Variants in RAB3B observed in about 807,000 individuals in gnomAD.
The protein encoded by RAB3B is ras-related protein Rab-3B.
Under a neutral mutation model 20.5 loss-of-function variants are expected in RAB3B, and 11 were observed. The observed-to-expected ratio is 0.54, with a 90% CI of 0.34 to 0.89. The LOEUF is 0.89. Ranked by LOEUF, RAB3B falls within the 40% of genes least tolerant of loss-of-function variation. RAB3B has a pLI of 0.02. For missense variants in RAB3B, 225 were observed against 280.9 expected, an observed-to-expected ratio of 0.80 and a Z score of 1.42; for synonymous variants, 99 against 106.3, an observed-to-expected ratio of 0.93 and a Z score of 0.42.
At position 51,917,079 on chromosome 1, in the gene RAB3B, T is replaced by A. The variant is rs1027727938; in HGVS notation, c.*2848A>T. On this transcript the variant is annotated 3_prime_UTR_variant, in exon 5 of 5. Coordinates refer to ENST00000371655, the MANE Select transcript of RAB3B (RefSeq NM_002867.4). ...CTCTACCACTTACTTATTATGTGAC[T>A]TTAGAGGTCCAGCTAGAACCTCTTT... 1.3e-5 allele frequency: 2 copies of A among 152,222 alleles called. No individual in the cohort carries two copies. Among genetic ancestry groups the A allele is most frequent in the Non-Finnish European group, 2.9e-5 (2 of 68,036 alleles). 9.4% of individuals were successfully genotyped at this position (152,222 alleles called of 1,614,324 possible). A position where few individuals can be genotyped will look rare whatever the true frequency, so the allele number is the denominator to read the frequency against.
intron 1 of RAB3B, among the ~76,000 whole-genome samples, chr1:51,986,007 T>C (rs1685146131): frequency 6.6e-6 from 1 of 151,884 alleles, no homozygotes; most frequent in South Asian, 2.1e-4. Context: ...AATTTTAGGG[T>C]GAATAAAGAA....
chr1:51,962,388 G>C (rs1684795867), intron 2 of RAB3B, among the ~76,000 whole-genome samples: 1 of 152,174 alleles, frequency 6.6e-6, no homozygotes, highest in Non-Finnish European at 1.5e-5. Flanking sequence ...AAGTCAAGAG[G>C]GATGCCAGGC....
At chr1:51,949,112 C>A (rs1684601162) in intron 2 of RAB3B, among the ~76,000 whole-genome samples, 1 of 152,200 alleles carries the variant, frequency 6.6e-6, no homozygotes, top group African/African-American at 2.4e-5. Flanking sequence ...CTCAGGCTTC[C>A]CTGCTAGTTC....
intron 2 of RAB3B, among the ~76,000 whole-genome samples, chr1:51,960,020 G>A (rs1343199461): frequency 6.6e-6 from 1 of 152,148 alleles, no homozygotes; most frequent in Non-Finnish European, 1.5e-5. Context: ...ATGTGTTGAG[G>A]GGGATGCAGG....
At chr1:51,949,259 T>C (rs760983270) in intron 2 of RAB3B, among the ~76,000 whole-genome samples, 1 of 152,250 alleles carries the variant, frequency 6.6e-6, no homozygotes, top group South Asian at 2.1e-4. Context: ...CCTTGCGTTC[T>C]ATAATTCACA....
At chr1:51,951,101 A>G (rs1684634746) in intron 2 of RAB3B, among the ~76,000 whole-genome samples, 1 of 151,478 alleles carries the variant, frequency 6.6e-6, no homozygotes, top group African/African-American at 2.4e-5. Context: ...ATCATCTTAC[A>G]GGAGCCTGAC....
At chr1:51,963,674 T>G (rs960181967) in intron 2 of RAB3B, among the ~76,000 whole-genome samples, 1 of 152,166 alleles carries the variant, frequency 6.6e-6, no homozygotes, top group Admixed American at 6.5e-5. Flanking sequence ...CTCCCTCATC[T>G]TCACTCTCCA....
At position 51,987,612 on chromosome 1, in the gene RAB3B, C is replaced by A. The variant is rs561669396; in HGVS notation, c.-1+2940G>T. 5.7e-4 allele frequency among the ~76,000 whole-genome samples: 87 copies of A among 152,234 alleles called. 4 individuals are homozygous for A. In the South Asian group the frequency reaches 0.017, roughly 30 times the overall value. On this transcript the variant is annotated intron_variant, in intron 1 of 4. Coordinates refer to ENST00000371655, the MANE Select transcript of RAB3B (RefSeq NM_002867.4). ...GGTCTATCATTTATTACCTATGAGA[C>A]CTTGGCAAGAAATGTTACATGATTA...
chr1:51,938,799 C>T (rs1684449645), intron 2 of RAB3B, among the ~76,000 whole-genome samples: 1 of 151,738 alleles, frequency 6.6e-6, no homozygotes, highest in African/African-American at 2.4e-5. Context: ...CCTCAGCCTC[C>T]TGAGTAGCAC....
At chr1:51,944,333 G>C (rs889119390) in intron 2 of RAB3B, among the ~76,000 whole-genome samples, 1 of 152,172 alleles carries the variant, frequency 6.6e-6, no homozygotes, top group Non-Finnish European at 1.5e-5. Flanking sequence ...TTGACAATGT[G>C]CCTGGTCACC....
intron 1 of RAB3B, among the ~76,000 whole-genome samples, chr1:51,979,578 G>C (rs1446301190): frequency 6.6e-6 from 1 of 151,752 alleles, no homozygotes; most frequent in Non-Finnish European, 1.5e-5. Context: ...GCCACATTAT[G>C]CTTTTTCTAC....
intron 4 of RAB3B, among the ~76,000 whole-genome samples, chr1:51,922,789 C>T (rs954692521): frequency 3.3e-5 from 5 of 151,986 alleles, no homozygotes; most frequent in Admixed American, 6.6e-5. Context: ...CTCTGCCTCC[C>T]GGGTTCAAGC....
rs1332427776 is a variant in RAB3B at position 51,974,886 on chromosome 1, T to C, written c.228+2004A>G. Among the ~76,000 whole-genome samples, 80 of 152,256 alleles carry C rather than the reference T, an allele frequency of 5.3e-4. 1 individual carries two copies. The highest frequency in any genetic ancestry group is 2.9e-5 in the Non-Finnish European group (2 of 68,046). On this transcript the variant is annotated intron_variant, in intron 2 of 4. Transcript: ENST00000371655. ...AAGATATATGCATAATGTATTAATG[T>C]ACATTTAACACGCAGAATAGAAAGA...
At chr1:51,972,366 CT>C (rs1684948789) in intron 2 of RAB3B, among the ~76,000 whole-genome samples, 1 of 152,070 alleles carries the variant, frequency 6.6e-6, no homozygotes, top group Non-Finnish European at 1.5e-5. Flanking sequence ...ATTTCCATCC[CT>C]TATGTCATTT....
At chr1:51,975,004 A>G (rs1026291295) in intron 2 of RAB3B, among the ~76,000 whole-genome samples, 4 of 152,218 alleles carry the variant, frequency 2.6e-5, no homozygotes, top group Non-Finnish European at 5.9e-5. Flanking sequence ...ACCTGAGGTC[A>G]GGAGTTCAAG....
chr1:51,949,021 C>A (rs1013079182), intron 2 of RAB3B, among the ~76,000 whole-genome samples: 1 of 152,226 alleles, frequency 6.6e-6, no homozygotes, highest in Non-Finnish European at 1.5e-5. Flanking sequence ...TCCAAACCTT[C>A]CCATCTCCGT....
intron 4 of RAB3B, among the ~76,000 whole-genome samples, chr1:51,921,588 G>A (rs34986375): frequency 0.047 from 7,169 of 151,276 alleles, 196 homozygotes; most frequent in Middle Eastern, 0.075. Flanking sequence ...GCTTTAATCC[G>A]ACTAACAGTA....
chr1:51,979,268 C>CTTT (rs112504777), intron 1 of RAB3B, among the ~76,000 whole-genome samples: 2 of 136,638 alleles, frequency 1.5e-5, no homozygotes, highest in African/African-American at 2.7e-5. Context: ...AGGCATTATG[C>CTTT]TTTTTTTTTT....
At position 51,910,478 on chromosome 1, in the gene RAB3B, G is replaced by A. The variant is rs966141407; in HGVS notation, c.*9449C>T. 1 of 152,144 alleles carries A rather than the reference G, an allele frequency of 6.6e-6. No homozygotes were observed. The highest frequency in any genetic ancestry group is 2.4e-5 in the African/African-American group (1 of 41,412). The allele number at this position is 152,144 out of a possible 1,614,324, so 9.4% of individuals were successfully genotyped here. On this transcript the variant is annotated 3_prime_UTR_variant, in exon 5 of 5. Transcript: ENST00000371655. ...TTACTCTTTAGGAACCTCCAGCCTAGAATAGTCAGGCATGGACCATCCAAA... is the reference window on the plus strand; with the variant it reads ...TTACTCTTTAGGAACCTCCAGCCTAAAATAGTCAGGCATGGACCATCCAAA...
Sources: gnomAD v4.1 joint callset for allele counts (sites outside exome capture counted in the v4.1 genomes callset) on GRCh38, gnomAD v4.1.1 for gene constraint, MANE v1.5 for transcripts, NCBI Gene and HGNC (gene_info 2026-07-23, HGNC 2026-07-21) for gene names.